The following SH3RF1 variants were observed in gnomAD, a reference collection of about 807,000 sequenced individuals.
SH3RF1 encodes the protein E3 ubiquitin-protein ligase SH3RF1.
SH3RF1 carries 32 observed loss-of-function variants against 74.0 expected under a neutral mutation model. The ratio of observed to expected loss-of-function variants is 0.43; its 90% confidence interval spans 0.33 to 0.58. The LOEUF is 0.58. Among genes scored for constraint, SH3RF1 ranks in the 20% least tolerant of loss-of-function variants. SH3RF1 has a pLI of 0.05. For synonymous variants in SH3RF1, 396 were observed against 439.6 expected, an observed-to-expected ratio of 0.90 and a Z score of 1.24; for missense variants, 954 against 1,130.9, an observed-to-expected ratio of 0.84 and a Z score of 2.24.
intron 4 of SH3RF1, among the ~76,000 whole-genome samples, chr4:169,137,792 T>G (rs1254714405): frequency 2.0e-5 from 3 of 152,236 alleles, no homozygotes; most frequent in African/African-American, 7.2e-5. Context: ...CAAAGCCATG[T>G]TAACTGGAGC....
chr4:169,100,074 T>C (rs1732993622), intron 11 of SH3RF1, among the ~76,000 whole-genome samples: 1 of 152,216 alleles, frequency 6.6e-6, no homozygotes, highest in Admixed American at 6.5e-5. Context: ...CTTTGCCAAG[T>C]AGAACATTTA....
intron 2 of SH3RF1, among the ~76,000 whole-genome samples, chr4:169,205,823 G>A (rs986828726): frequency 3.3e-5 from 5 of 152,148 alleles, no homozygotes; most frequent in African/African-American, 1.2e-4. Flanking sequence ...ATATAGACAT[G>A]TACAAAACCC....
chr4:169,257,148 C>A (rs1463965634), intron 2 of SH3RF1, among the ~76,000 whole-genome samples: 4 of 152,132 alleles, frequency 2.6e-5, no homozygotes, highest in Non-Finnish European at 5.9e-5. Context: ...GGAAGTTCTG[C>A]CTGATAATAA....
chr4:169,140,662 T>G (rs1333414890), intron 4 of SH3RF1, among the ~76,000 whole-genome samples: 1 of 152,212 alleles, frequency 6.6e-6, no homozygotes, highest in Non-Finnish European at 1.5e-5. Context: ...ATAAACTTTT[T>G]TGTGTGTATG....
At chr4:169,123,892 A>C (rs1255394643) in intron 6 of SH3RF1, among the ~76,000 whole-genome samples, 12 of 137,416 alleles carry the variant, frequency 8.7e-5, no homozygotes, top group Admixed American at 8.4e-4. Context: ...ACTCCGTCTC[A>C]AAAAAAAAAA....
At chr4:169,241,872 G>A (rs1730917471) in intron 2 of SH3RF1, among the ~76,000 whole-genome samples, 1 of 152,080 alleles carries the variant, frequency 6.6e-6, no homozygotes, top group East Asian at 1.9e-4. Context: ...CCTTATGGCT[G>A]GAGGCCCTAA....
intron 2 of SH3RF1, among the ~76,000 whole-genome samples, chr4:169,262,984 C>A (rs1731303440): frequency 6.6e-6 from 1 of 151,262 alleles, no homozygotes; most frequent in Non-Finnish European, 1.5e-5. Context: ...CATGGTTTAG[C>A]CAAAACAAAC....
chr4:169,117,300 G>A (rs1187823559), intron 9 of SH3RF1, among the ~76,000 whole-genome samples: 1 of 152,172 alleles, frequency 6.6e-6, no homozygotes, highest in African/African-American at 2.4e-5. Flanking sequence ...CTTAGGATCA[G>A]CCTAATTTCT....
chr4:169,262,270 A>G (rs544279740), intron 2 of SH3RF1, among the ~76,000 whole-genome samples: 3 of 152,366 alleles, frequency 2.0e-5, no homozygotes, highest in African/African-American at 7.2e-5. Context: ...CTGCAAGTAT[A>G]TACACACTTA....
chr4:169,208,042 C>T (rs1730290431), intron 2 of SH3RF1, among the ~76,000 whole-genome samples: 1 of 152,088 alleles, frequency 6.6e-6, no homozygotes, highest in Admixed American at 6.6e-5. Flanking sequence ...CAGGCTTCCA[C>T]ATCTGGGGGT....
intron 2 of SH3RF1, among the ~76,000 whole-genome samples, chr4:169,164,723 GAGTGT>G (rs1274705871): frequency 6.6e-6 from 1 of 152,184 alleles, no homozygotes; most frequent in East Asian, 1.9e-4. Flanking sequence ...GTGGGCAGTT[GAGTGT>G]CTTATACTAA....
intron 2 of SH3RF1, among the ~76,000 whole-genome samples, chr4:169,262,341 T>C (rs760314595): frequency 6.6e-5 from 10 of 152,194 alleles, no homozygotes; most frequent in Non-Finnish European, 4.4e-5. Flanking sequence ...TTACATACAT[T>C]TTGAAATCTA....
chr4:169,193,421 C>T (rs916145455), intron 2 of SH3RF1, among the ~76,000 whole-genome samples: 4 of 152,138 alleles, frequency 2.6e-5, no homozygotes, highest in African/African-American at 7.2e-5. Context: ...ACAAGGACTC[C>T]ACCCCCAGAG....
At chr4:169,156,820 T>C in intron 2 of SH3RF1, 141 bp from the exon 3 acceptor site, 2 of 730,528 alleles carry the variant, frequency 2.7e-6, no homozygotes, top group Non-Finnish European at 4.4e-6. Flanking sequence ...ACAAAAACAA[T>C]ATATATGTGT....
intron 2 of SH3RF1, among the ~76,000 whole-genome samples, chr4:169,192,900 T>C (rs910333846): frequency 7.7e-6 from 1 of 129,210 alleles, no homozygotes; most frequent in Admixed American, 8.5e-5. Flanking sequence ...GTTTCTTTTA[T>C]ATATATATCA....
chr4:169,215,057 T>C (rs1454875109), intron 2 of SH3RF1, among the ~76,000 whole-genome samples: 1 of 152,196 alleles, frequency 6.6e-6, no homozygotes, highest in Non-Finnish European at 1.5e-5. Context: ...AGAAAGCTTC[T>C]CTTTTCTCCA....
At chr4:169,195,163 CT>C (rs924900357) in intron 2 of SH3RF1, among the ~76,000 whole-genome samples, 2 of 152,122 alleles carry the variant, frequency 1.3e-5, no homozygotes, top group Non-Finnish European at 2.9e-5. Flanking sequence ...CACTCTCATA[CT>C]TGAAGAATAT....
intron 2 of SH3RF1, among the ~76,000 whole-genome samples, chr4:169,227,676 C>G (rs745882107): frequency 2.6e-5 from 4 of 152,224 alleles, no homozygotes; most frequent in African/African-American, 7.2e-5. Flanking sequence ...ATTACTCTCT[C>G]TGTGTGCCTT....
At chr4:169,262,404 C>T (rs1332686592) in intron 2 of SH3RF1, among the ~76,000 whole-genome samples, 3 of 152,174 alleles carry the variant, frequency 2.0e-5, no homozygotes, top group Non-Finnish European at 2.9e-5. Flanking sequence ...CCGCAGCTCA[C>T]GCCTGTAATC....
Sources: allele counts gnomAD v4.1 joint callset (sites outside exome capture counted in the v4.1 genomes callset), GRCh38; gene constraint gnomAD v4.1.1; transcripts MANE v1.5; gene names NCBI Gene and HGNC (gene_info 2026-07-23, HGNC 2026-07-21).